Variants in ITPRID1 observed in about 807,000 individuals in gnomAD.
ITPRID1 encodes the protein ITPR interacting domain containing 1.
In ITPRID1, 96 loss-of-function variants were observed where a neutral mutation model predicts 95.4. The observed-to-expected ratio is 1.01, with a 90% CI of 0.85 to 1.19. The LOEUF is 1.19. ITPRID1 is among the 50% of genes most tolerant of loss of function. The pLI is 0.00. For missense variants in ITPRID1, 1,339 were observed against 1,252.9 expected (o/e 1.07, Z -1.04); for synonymous variants, 510 against 453.6 (o/e 1.12, Z -1.58).
intron 10 of ITPRID1, among the ~76,000 whole-genome samples, chr7:31,597,528 A>G (rs907930537): frequency 6.6e-6 from 1 of 151,666 alleles, no homozygotes; most frequent in Admixed American, 6.6e-5. Context: ...TCTTTTCACA[A>G]CTTCAACAAG....
chr7:31,519,620 C>CTCTCTCCATATATATATATATATATA, intron 1 of ITPRID1, among the ~76,000 whole-genome samples: 25 of 25,270 alleles, frequency 9.9e-4, no homozygotes, highest in Admixed American at 2.4e-3. Flanking sequence ...CTCTCTCTCT[C>CTCTCTCCATATATATATATATATATA]TATATATATA....
At chr7:31,530,873 C>T (rs938984104) in intron 1 of ITPRID1, among the ~76,000 whole-genome samples, 10 of 152,234 alleles carry the variant, frequency 6.6e-5, no homozygotes, top group East Asian at 1.9e-4. Context: ...ATCATGATTA[C>T]GATAATATAT....
chr7:31,573,849 C>T (rs988256317), intron 7 of ITPRID1, among the ~76,000 whole-genome samples: 1 of 149,646 alleles, frequency 6.7e-6, no homozygotes, highest in Non-Finnish European at 1.5e-5. Context: ...TTTATATATA[C>T]AAATCAAATT....
In ITPRID1 at chr7:31,651,240, CTT is replaced by C; in HGVS notation, c.2685_2686del (p.Ser896GlnfsTer19). The C allele has an allele frequency of 6.2e-7, 1 of 1,613,546 alleles. No individual in the cohort carries two copies. The highest frequency in any genetic ancestry group is 8.5e-7 in the Non-Finnish European group (1 of 1,179,594). Reference sequence around the variant, plus strand: ...AGCACCTTATGGGACAGCAGGCCCTCTTTTCCAGGGACATGTCAGAGGAGGAA... The same window carrying C: ...AGCACCTTATGGGACAGCAGGCCCTCTTCCAGGGACATGTCAGAGGAGGAA... ...EQHLMGQQAL[F>X]SRDMSEEERE... On this transcript the variant is annotated frameshift_variant, in exon 13 of 15. Coordinates refer to ENST00000615280, the MANE Select transcript of ITPRID1 (RefSeq NM_001257967.3). LOFTEE classifies it high-confidence loss of function.
intron 10 of ITPRID1, among the ~76,000 whole-genome samples, chr7:31,629,266 T>A (rs988762286): frequency 1.3e-4 from 16 of 119,640 alleles, no homozygotes; most frequent in Non-Finnish European, 2.8e-4. Context: ...AAAGAAGATA[T>A]GTGTGTTTAA....
At chr7:31,605,180 A>T (rs907003209) in intron 10 of ITPRID1, among the ~76,000 whole-genome samples, 11 of 151,926 alleles carry the variant, frequency 7.2e-5, no homozygotes, top group African/African-American at 2.7e-4. Context: ...GCCTTTTTGA[A>T]TCTGGAGAGG....
intron 1 of ITPRID1, among the ~76,000 whole-genome samples, chr7:31,535,327 G>A (rs2128131369): frequency 6.6e-6 from 1 of 151,770 alleles, no homozygotes; most frequent in East Asian, 1.9e-4. Flanking sequence ...TTGATTCTAC[G>A]GATATATAAA....
At chr7:31,565,181 C>T (rs554265559) in intron 5 of ITPRID1, among the ~76,000 whole-genome samples, 1 of 152,184 alleles carries the variant, frequency 6.6e-6, no homozygotes, top group African/African-American at 2.4e-5. Context: ...AGTAAACTCA[C>T]AGTAACGCTG....
intron 10 of ITPRID1, among the ~76,000 whole-genome samples, chr7:31,632,885 C>T (rs559776046): frequency 5.3e-5 from 8 of 151,060 alleles, no homozygotes; most frequent in African/African-American, 1.2e-4. Context: ...TTTATTTATT[C>T]ATTCATTTAT....
chr7:31,599,942 C>G (rs1277910616), intron 10 of ITPRID1, among the ~76,000 whole-genome samples: 1 of 152,054 alleles, frequency 6.6e-6, no homozygotes, highest in African/African-American at 2.4e-5. Flanking sequence ...TCGTGATCCG[C>G]CGGCCTCTGC....
intron 10 of ITPRID1, among the ~76,000 whole-genome samples, chr7:31,591,336 C>T (rs1052255609): frequency 6.6e-6 from 1 of 152,062 alleles, no homozygotes; most frequent in Admixed American, 6.6e-5. Context: ...AAGGTAATGC[C>T]ATCTGATGAA....
chr7:31,601,782 C>T (rs1470596544), intron 10 of ITPRID1, among the ~76,000 whole-genome samples: 2 of 152,122 alleles, frequency 1.3e-5, no homozygotes, highest in Non-Finnish European at 2.9e-5. Context: ...TAGTGCTGTT[C>T]ATTTTCAGGG....
At chr7:31,631,185 A>G (rs775327025) in intron 10 of ITPRID1, among the ~76,000 whole-genome samples, 8 of 152,220 alleles carry the variant, frequency 5.3e-5, no homozygotes, top group Non-Finnish European at 7.3e-5. Flanking sequence ...GGAAGAGCAG[A>G]TAAAAAAAAA....
chr7:31,601,652 T>A (rs1281432292), intron 10 of ITPRID1, among the ~76,000 whole-genome samples: 1 of 152,230 alleles, frequency 6.6e-6, no homozygotes, highest in Non-Finnish European at 1.5e-5. Flanking sequence ...TCATACCTGG[T>A]TTATTACCAC....
chr7:31,553,575 C>A (rs1562564911), intron 3 of ITPRID1, among the ~76,000 whole-genome samples: 2 of 152,154 alleles, frequency 1.3e-5, no homozygotes, highest in Non-Finnish European at 2.9e-5. Flanking sequence ...AAATTTTAAT[C>A]ATTTAAAGAG....
At chr7:31,516,337 AAAG>A (rs1377572411) in intron 1 of ITPRID1, among the ~76,000 whole-genome samples, 2 of 152,232 alleles carry the variant, frequency 1.3e-5, no homozygotes, top group Non-Finnish European at 2.9e-5. Flanking sequence ...TTTTCAGAGA[AAAG>A]AACTAATATA....
At chr7:31,605,124 G>A (rs1786559163) in intron 10 of ITPRID1, among the ~76,000 whole-genome samples, 1 of 132,504 alleles carries the variant, frequency 7.5e-6, no homozygotes. Flanking sequence ...GGTGACAGAG[G>A]GAGACCCCAT....
At chr7:31,644,007 C>T in intron 12 of ITPRID1, 54 bp downstream of exon 12, 1 of 1,468,176 alleles carries the variant, frequency 6.8e-7, no homozygotes, top group Non-Finnish European at 9.1e-7. Flanking sequence ...TGATAAACAC[C>T]TCAGGGATAA....
chr7:31,535,330 T>C (rs2128131371), intron 1 of ITPRID1, among the ~76,000 whole-genome samples: 1 of 152,208 alleles, frequency 6.6e-6, no homozygotes, highest in East Asian at 1.9e-4. Context: ...ATTCTACGGA[T>C]ATATAAATCT....
Sources: allele counts gnomAD v4.1 joint callset (sites outside exome capture counted in the v4.1 genomes callset), GRCh38; gene constraint gnomAD v4.1.1; transcripts MANE v1.5; gene names NCBI Gene and HGNC (gene_info 2026-07-23, HGNC 2026-07-21).